Variants in SLC2A14 observed in about 807,000 individuals in gnomAD.
SLC2A14 encodes solute carrier family 2 member 14.
Under a neutral mutation model 43.0 loss-of-function variants are expected in SLC2A14, and 13 were observed. That is an observed-to-expected ratio of 0.30 (90% CI 0.20 to 0.48). The LOEUF is 0.48. Among genes scored for constraint, SLC2A14 ranks in the 20% least tolerant of loss-of-function variants. The probability of loss-of-function intolerance (pLI) is 0.99; values close to 1 mark genes in which losing one functional copy is unlikely to be tolerated. For synonymous variants in SLC2A14, 190 were observed against 233.8 expected (o/e 0.81, Z 1.71); for missense variants, 428 against 620.4 (o/e 0.69, Z 3.29).
chr12:7,885,368 G>C (rs1250870182), intron 1 of SLC2A14, among the ~76,000 whole-genome samples: 2 of 152,160 alleles, frequency 1.3e-5, no homozygotes, highest in Admixed American at 6.5e-5. Flanking sequence ...GGGACGCTGA[G>C]GCGGGAGAAT....
At chr12:7,830,222 C>G (rs769507436) in intron 4 of SLC2A14, among the ~76,000 whole-genome samples, 26 of 151,540 alleles carry the variant, frequency 1.7e-4, no homozygotes, top group African/African-American at 6.3e-4. Context: ...GCGCGATCTC[C>G]GCTCACTGCA....
chr12:7,840,862 G>A (rs1175853097), intron 2 of SLC2A14, among the ~76,000 whole-genome samples: 1 of 152,180 alleles, frequency 6.6e-6, no homozygotes, highest in East Asian at 1.9e-4. Context: ...TTTGGCTGGA[G>A]CAACTGGAGA....
intron 2 of SLC2A14, among the ~76,000 whole-genome samples, chr12:7,866,933 G>A (rs1944944083): frequency 6.6e-6 from 1 of 151,918 alleles, no homozygotes; most frequent in Non-Finnish European, 1.5e-5. Flanking sequence ...ATGCCATCTA[G>A]GACTTTCATG....
chr12:7,858,048 G>A (rs1361761775), intron 2 of SLC2A14, among the ~76,000 whole-genome samples: 1 of 151,850 alleles, frequency 6.6e-6, no homozygotes, highest in East Asian at 1.9e-4. Context: ...AATAAGTACT[G>A]TTTGAGCCCA....
chr12:7,831,689 G>A lies in SLC2A14; in HGVS notation c.187C>T (p.Leu63Phe). ...AATATGGCCACAGACAAGGACCAGA[G>A]ATTCGTGAGCAGCACCTCAGAGGGA... Reference protein sequence around the residue: ...APPSEVLLTNLWSLSVAIFSV... With the variant: ...APPSEVLLTNFWSLSVAIFSV... The change falls in exon 4 of 11, where the codon CTC becomes TTC. Residue 63 changes from leucine to phenylalanine, a missense_variant. Leu to Phe is a conservative substitution (Grantham distance 22). Transcript: ENST00000431042. The A allele has an allele frequency of 6.2e-7, 1 of 1,614,214 alleles. No homozygotes were observed. Among genetic ancestry groups the A allele is most frequent in the Non-Finnish European group, 8.5e-7 (1 of 1,180,050 alleles).
intron 2 of SLC2A14, among the ~76,000 whole-genome samples, chr12:7,848,060 A>C (rs999901728): frequency 1.3e-5 from 2 of 152,154 alleles, no homozygotes; most frequent in Non-Finnish European, 2.9e-5. Context: ...CCCAATTTGC[A>C]GGATTCTGCA....
intron 2 of SLC2A14, among the ~76,000 whole-genome samples, chr12:7,842,139 A>G (rs1866004862): frequency 6.6e-6 from 1 of 152,062 alleles, no homozygotes; most frequent in Non-Finnish European, 1.5e-5. Flanking sequence ...TTGGAGTCAT[A>G]CATTATGTAG....
At chr12:7,875,135 T>TTAAATATTATATTTAAATTAAATATATA (rs1945435477), upstream of SLC2A14, among the ~76,000 whole-genome samples, 2 of 109,452 alleles carry the variant, frequency 1.8e-5, no homozygotes, top group African/African-American at 7.4e-5. Flanking sequence ...TTAAATATAT[T>TTAAATATTATATTTAAATTAAATATATA]TAAATATTAT....
intron 1 of SLC2A14, among the ~76,000 whole-genome samples, chr12:7,881,190 G>GC (rs1156771475): frequency 6.6e-6 from 1 of 152,112 alleles, no homozygotes; most frequent in Non-Finnish European, 1.5e-5. Context: ...CACGTGAGGA[G>GC]CCCTTCAGCC....
chr12:7,875,093 AATTTAAAT>A (rs1435067838), upstream of SLC2A14, among the ~76,000 whole-genome samples: 1 of 50,120 alleles, frequency 2.0e-5, no homozygotes, highest in Non-Finnish European at 4.0e-5. Flanking sequence ...ATTCTATTTA[AATTTAAAT>A]ATTTAAATAT....
At chr12:7,821,080 C>G in intron 8 of SLC2A14, 141 bp downstream of exon 8, 1 of 579,502 alleles carries the variant, frequency 1.7e-6, no homozygotes, top group East Asian at 3.5e-5. Flanking sequence ...GAGCAAGACT[C>G]TGTCTCAAAA....
At chr12:7,825,225 C>T (rs1314547301) in intron 7 of SLC2A14, among the ~76,000 whole-genome samples, 1 of 132,396 alleles carries the variant, frequency 7.6e-6, no homozygotes, top group Non-Finnish European at 1.7e-5. Context: ...CTTTGGGAGG[C>T]CGAGGCGGGT....
At chr12:7,821,189 T>TC (rs1319593860) in intron 8 of SLC2A14, 32 bp downstream of exon 8, 1 of 1,537,046 alleles carries the variant, frequency 6.5e-7, no homozygotes, top group East Asian at 2.3e-5. Flanking sequence ...GATTCATTTC[T>TC]CCCCCCAAAA....
chr12:7,882,507 G>A (rs550795709), intron 1 of SLC2A14, among the ~76,000 whole-genome samples: 36 of 152,028 alleles, frequency 2.4e-4, no homozygotes, highest in African/African-American at 6.3e-4. Flanking sequence ...GCAACGGAGC[G>A]AAACTTACCT....
At chr12:7,823,360 G>A (rs1329613466) in intron 7 of SLC2A14, among the ~76,000 whole-genome samples, 1 of 146,902 alleles carries the variant, frequency 6.8e-6, no homozygotes, top group African/African-American at 2.6e-5. Context: ...TCTAGCCTGG[G>A]CAACAGAGCG....
intron 2 of SLC2A14, among the ~76,000 whole-genome samples, chr12:7,862,645 C>T (rs1944644307): frequency 6.6e-6 from 1 of 152,166 alleles, no homozygotes; most frequent in Non-Finnish European, 1.5e-5. Context: ...GCCAGCTGGG[C>T]TCCTGAGTCT....
intron 1 of SLC2A14, 63 bp from the exon 2 acceptor site, chr12:7,870,000 G>A: frequency 1.9e-6 from 2 of 1,072,272 alleles, no homozygotes; most frequent in Non-Finnish European, 2.6e-6. Flanking sequence ...TGAGGGAAGA[G>A]GCTGTGATTT....
chr12:7,862,287 A>G (rs1248169205), intron 2 of SLC2A14, among the ~76,000 whole-genome samples: 1 of 151,078 alleles, frequency 6.6e-6, no homozygotes, highest in African/African-American at 2.4e-5. Context: ...AAAAAAAAAA[A>G]AGAAGACACC....
At chr12:7,874,725 TAAA>T (rs373581941), upstream of SLC2A14, among the ~76,000 whole-genome samples, 1 of 129,644 alleles carries the variant, frequency 7.7e-6, no homozygotes, top group Non-Finnish European at 1.6e-5. Flanking sequence ...TATAAATATA[TAAA>T]AAATATATAA....
Sources: gnomAD v4.1 joint callset for allele counts (sites outside exome capture counted in the v4.1 genomes callset) on GRCh38, gnomAD v4.1.1 for gene constraint, MANE v1.5 for transcripts, NCBI Gene and HGNC (gene_info 2026-07-23, HGNC 2026-07-21) for gene names.